MYRFL: variants seen among roughly 807,000 people sequenced by gnomAD.
MYRFL encodes myelin regulatory factor-like protein.
Under a neutral mutation model 109.4 loss-of-function variants are expected in MYRFL, and 88 were observed. The observed-to-expected ratio is 0.80, with a 90% CI of 0.68 to 0.96. The LOEUF is 0.96. MYRFL is among the 40% of genes least tolerant of loss of function. The pLI is 0.00. For missense variants in MYRFL, 957 were observed against 954.9 expected (o/e 1.00, Z -0.03); for synonymous variants, 324 against 320.9 (o/e 1.01, Z -0.10).
At chr12:69,844,385 A>G (rs1034554838) in intron 1 of MYRFL, among the ~76,000 whole-genome samples, 3 of 152,086 alleles carry the variant, frequency 2.0e-5, no homozygotes, top group South Asian at 2.1e-4. Flanking sequence ...TACCTGGGGA[A>G]TTGTGTGGCG....
chr12:69,915,829 G>A lies in MYRFL; in HGVS notation c.1602+4899G>A, dbSNP rs1592822837. On this transcript the variant is annotated intron_variant, in intron 13 of 24. Coordinates refer to ENST00000552032, the MANE Select transcript of MYRFL (RefSeq NM_182530.3). ...TGCTTGTTCATCTATCTCTTTATTT[G>A]GCAATTTTATTTGTTTCTGTGATTC... is the stretch of plus-strand genomic sequence containing the variant. Among the ~76,000 whole-genome samples, 3 of 151,784 alleles carry A rather than the reference G, an allele frequency of 2.0e-5. No homozygotes were observed. The South Asian group carries it at 6.3e-4, about 32-fold the overall frequency.
rs150684883 is a variant in MYRFL, at chr12:69,909,174, G to T, written c.1384-795G>T. Among the ~76,000 whole-genome samples the T allele has an allele frequency of 6.1e-3, 932 of 152,302 alleles. 17 individuals are homozygous for T. Among genetic ancestry groups the T allele is most frequent in the African/African-American group, 0.021 (873 of 41,554 alleles). The stretch of plus-strand genomic sequence containing the variant: ...AGAATGAATGATGGCAGTAAGCTCA[G>T]AATTATACTCTGGAATAACTTCCTG... On this transcript the variant is annotated intron_variant, in intron 11 of 24. Transcript: ENST00000552032.
chr12:69,956,579 C>T (rs925266103), intron 22 of MYRFL, among the ~76,000 whole-genome samples: 1 of 151,898 alleles, frequency 6.6e-6, no homozygotes, highest in African/African-American at 2.4e-5. Flanking sequence ...CCTTTTCTAT[C>T]ACTCTTTCCC....
intron 7 of MYRFL, among the ~76,000 whole-genome samples, chr12:69,892,938 C>A (rs1176826006): frequency 1.3e-5 from 2 of 152,012 alleles, no homozygotes; most frequent in Non-Finnish European, 2.9e-5. Flanking sequence ...AGTAAGGACC[C>A]CATAAAAATA....
intron 1 of MYRFL, among the ~76,000 whole-genome samples, chr12:69,853,395 A>G (rs1884026505): frequency 6.8e-6 from 1 of 147,738 alleles, no homozygotes; most frequent in Non-Finnish European, 1.5e-5. Context: ...CTCACTTCTC[A>G]GACGGGGCGG....
At chr12:69,938,821 G>A (rs1478002914) in intron 19 of MYRFL, among the ~76,000 whole-genome samples, 1 of 152,148 alleles carries the variant, frequency 6.6e-6, no homozygotes, top group Admixed American at 6.5e-5. Flanking sequence ...AGTGGGCGCA[G>A]GTCAGTGGGT....
chr12:69,873,660 AT>A (rs1885489577), intron 2 of MYRFL, among the ~76,000 whole-genome samples: 1 of 152,196 alleles, frequency 6.6e-6, no homozygotes, highest in South Asian at 2.1e-4. Flanking sequence ...ATGGTTTATG[AT>A]TTCATCATGC....
At chr12:69,860,991 T>C (rs2136324625) in intron 2 of MYRFL, among the ~76,000 whole-genome samples, 1 of 147,836 alleles carries the variant, frequency 6.8e-6, no homozygotes, top group South Asian at 2.2e-4. Flanking sequence ...AGCGAGAATA[T>C]GCAGTGTTTG....
At chr12:69,952,048 C>T in intron 19 of MYRFL, 65 bp from the exon 20 acceptor site, 4 of 1,383,734 alleles carry the variant, frequency 2.9e-6, no homozygotes, top group Non-Finnish European at 4.0e-6. Context: ...AACTAGGTCA[C>T]ACATGGGGTT....
chr12:69,905,199 A>C (rs1954317021), intron 11 of MYRFL, among the ~76,000 whole-genome samples: 1 of 152,238 alleles, frequency 6.6e-6, no homozygotes, highest in Admixed American at 6.5e-5. Flanking sequence ...ATTCACTACC[A>C]AGTCTTACTA....
In MYRFL at chr12:69,924,176, A is replaced by T. The variant is rs1191092492; in HGVS notation, c.1603-2395A>T. Among the ~76,000 whole-genome samples, 5 of 143,120 alleles carry T rather than the reference A, an allele frequency of 3.5e-5. No homozygotes were observed. The East Asian group carries it at 1.0e-3, about 30-fold the overall frequency. The allele number at this position is 143,120 out of a possible 152,430, so 93.9% of individuals were successfully genotyped here. On this transcript the variant is annotated intron_variant, in intron 13 of 24. Coordinates refer to ENST00000552032, the MANE Select transcript of MYRFL (RefSeq NM_182530.3). ...TGCACTCCAGCCTGGGTGACACAGCAGGACTCCGTCTCAGAAAAAAAAAAA... is the reference window on the plus strand; with the variant it reads ...TGCACTCCAGCCTGGGTGACACAGCTGGACTCCGTCTCAGAAAAAAAAAAA...
At chr12:69,863,359 G>A (rs1416736639) in intron 2 of MYRFL, among the ~76,000 whole-genome samples, 1 of 152,084 alleles carries the variant, frequency 6.6e-6, no homozygotes, top group African/African-American at 2.4e-5. Context: ...GGTAGAATTC[G>A]GCTGTGAATC....
intron 1 of MYRFL, among the ~76,000 whole-genome samples, chr12:69,849,021 G>A (rs987182505): frequency 2.6e-5 from 4 of 152,086 alleles, no homozygotes; most frequent in African/African-American, 9.7e-5. Context: ...ACAGGTGCAT[G>A]GCACCACACC....
At position 69,936,481 on chromosome 12, in the gene MYRFL, G is replaced by C; in HGVS notation, c.2073G>C (p.Pro691=). The stretch of plus-strand genomic sequence containing the variant: ...CTAATACATCCCTGGTAACCACACC[G>C]GCCTCCTTACAAGTACCTGAAATTA... ...SAPNTSLVTT[P]ASLQVPEITF... The change falls in exon 19 of 25, where the codon CCG becomes CCC. Residue 691 remains proline, a synonymous_variant. Coordinates refer to ENST00000552032, the MANE Select transcript of MYRFL (RefSeq NM_182530.3). 3.3e-6 allele frequency: 5 copies of C among 1,535,722 alleles called. No homozygotes were observed. The highest frequency in any genetic ancestry group is 4.4e-6 in the Non-Finnish European group (5 of 1,146,782).
At chr12:69,858,781 A>C (rs1232529544) in intron 2 of MYRFL, among the ~76,000 whole-genome samples, 1 of 151,778 alleles carries the variant, frequency 6.6e-6, no homozygotes, top group East Asian at 1.9e-4. Context: ...TGATTGATTC[A>C]AATAGGTAGC....
Position 69,834,271 on chromosome 12 carries a change from A to G in MYRFL, c.46+8708A>G, listed in dbSNP as rs146008349. On this transcript the variant is annotated intron_variant, in intron 1 of 24. Transcript: ENST00000552032. ...AACAAATGTCATATATGGCAATAAG[A>G]AGTAATGTGTTCTGAAGAGAGCATC... Among the ~76,000 whole-genome samples, 226 of 152,286 alleles carry G rather than the reference A, an allele frequency of 1.5e-3. 1 individual carries two copies. The highest frequency in any genetic ancestry group is 5.1e-3 in the African/African-American group (210 of 41,550).
Position 69,826,310 on chromosome 12 carries a change from G to A in MYRFL, c.46+747G>A, listed in dbSNP as rs568476948. Among the ~76,000 whole-genome samples the A allele has an allele frequency of 4.6e-5, 7 of 152,132 alleles. No homozygotes were observed. In the East Asian group the frequency reaches 1.4e-3, roughly 29 times the overall value. On this transcript the variant is annotated intron_variant, in intron 1 of 24. Transcript: ENST00000552032. ...TACCATCCATCCCATTGAGTGTTCT[G>A]TCTCTGACAGTGGCCAAGTTGGTAT...
intron 5 of MYRFL, among the ~76,000 whole-genome samples, chr12:69,880,493 A>T (rs916226788): frequency 2.0e-5 from 3 of 152,132 alleles, no homozygotes; most frequent in African/African-American, 7.2e-5. Flanking sequence ...GGAAGAGATG[A>T]TGTTTCCCGT....
chr12:69,866,441 T>G (rs886392520), intron 2 of MYRFL, among the ~76,000 whole-genome samples: 1 of 152,042 alleles, frequency 6.6e-6, no homozygotes, highest in Non-Finnish European at 1.5e-5. Flanking sequence ...ATACTCCAAG[T>G]TTTAAGTATT....
Sources: allele counts gnomAD v4.1 joint callset (sites outside exome capture counted in the v4.1 genomes callset), GRCh38; gene constraint gnomAD v4.1.1; transcripts MANE v1.5; gene names NCBI Gene and HGNC (gene_info 2026-07-23, HGNC 2026-07-21).